Variants in CCDC6 observed in about 807,000 individuals in gnomAD.
The protein encoded by CCDC6 is coiled-coil domain-containing protein 6.
CCDC6 carries 20 observed loss-of-function variants against 56.6 expected under a neutral mutation model. That is an observed-to-expected ratio of 0.35 (90% CI 0.25 to 0.51). The LOEUF (loss-of-function observed/expected upper bound fraction) is 0.51, where lower values mean the gene tolerates loss of function less well. CCDC6 is among the 20% of genes least tolerant of loss of function. The probability of loss-of-function intolerance (pLI) is 0.95; values close to 1 mark genes in which losing one functional copy is unlikely to be tolerated. For synonymous variants in CCDC6, 241 were observed against 234.4 expected, an observed-to-expected ratio of 1.03 and a Z score of -0.26; for missense variants, 367 against 601.1, an observed-to-expected ratio of 0.61 and a Z score of 4.07.
At chr10:59,886,456 A>G (rs1434657123) in intron 1 of CCDC6, among the ~76,000 whole-genome samples, 1 of 152,162 alleles carries the variant, frequency 6.6e-6, no homozygotes, top group African/African-American at 2.4e-5. Flanking sequence ...TGTTTATGCA[A>G]TTTAAAAGAA....
intron 3 of CCDC6, among the ~76,000 whole-genome samples, chr10:59,826,633 C>T (rs1290860830): frequency 6.6e-6 from 1 of 152,180 alleles, no homozygotes; most frequent in Non-Finnish European, 1.5e-5. Flanking sequence ...TACAGGTGTA[C>T]TGGATTAATG....
At chr10:59,850,793 T>A (rs770363847) in intron 2 of CCDC6, among the ~76,000 whole-genome samples, 56 of 152,208 alleles carry the variant, frequency 3.7e-4, no homozygotes, top group Middle Eastern at 3.2e-3. Context: ...ATTTAGAGGA[T>A]GCTTGGAGCT....
chr10:59,850,069 C>T (rs989998368), intron 2 of CCDC6, among the ~76,000 whole-genome samples: 1 of 152,174 alleles, frequency 6.6e-6, no homozygotes, highest in African/African-American at 2.4e-5. Context: ...CATGTTGTGA[C>T]ACCTGGTGTC....
intron 2 of CCDC6, among the ~76,000 whole-genome samples, chr10:59,835,394 C>T (rs563031642): frequency 6.6e-6 from 1 of 152,260 alleles, no homozygotes; most frequent in African/African-American, 2.4e-5. Flanking sequence ...TTAGGTACTT[C>T]CTTTAAGACT....
chr10:59,841,451 C>T (rs1039568022), intron 2 of CCDC6, among the ~76,000 whole-genome samples: 1 of 152,160 alleles, frequency 6.6e-6, no homozygotes, highest in Non-Finnish European at 1.5e-5. Context: ...TGCTGGTACA[C>T]AGAAATACAA....
Position 59,792,494 on chromosome 10 carries a change from A to G in CCDC6, c.*423T>C. 2.2e-6 allele frequency: 1 copy of G among 463,030 alleles called. No individual in the cohort carries two copies. Among genetic ancestry groups the G allele is most frequent in the South Asian group, 2.0e-5 (1 of 50,512 alleles). 28.7% of individuals were successfully genotyped at this position (463,030 alleles called of 1,614,324 possible). On this transcript the variant is annotated 3_prime_UTR_variant, in exon 9 of 9. Coordinates refer to ENST00000263102, the MANE Select transcript of CCDC6 (RefSeq NM_005436.5). ...ATTGGTATGTTTGGTAAACACTATT[A>G]TAATGAGAGGAGGGTAACAACAGCT...
At chr10:59,886,377 TG>T (rs1169031596) in intron 1 of CCDC6, among the ~76,000 whole-genome samples, 1 of 152,180 alleles carries the variant, frequency 6.6e-6, no homozygotes, top group African/African-American at 2.4e-5. Context: ...AAATATAAAG[TG>T]TTATACAGAC....
intron 7 of CCDC6, among the ~76,000 whole-genome samples, chr10:59,795,642 G>T (rs1045336053): frequency 1.9e-5 from 2 of 102,612 alleles, no homozygotes; most frequent in Admixed American, 2.9e-4. Flanking sequence ...CCCCACAACA[G>T]TCCCTAGAGT....
intron 7 of CCDC6, among the ~76,000 whole-genome samples, chr10:59,803,693 A>C (rs911673191): frequency 2.6e-5 from 4 of 152,304 alleles, no homozygotes; most frequent in Admixed American, 2.0e-4. Context: ...GCTGGTATTG[A>C]GCCACAGAGC....
intron 1 of CCDC6, among the ~76,000 whole-genome samples, chr10:59,858,000 T>C (rs1243636539): frequency 6.6e-6 from 1 of 152,214 alleles, no homozygotes; most frequent in Non-Finnish European, 1.5e-5. Context: ...GGTCAGAATT[T>C]AGCAGAATCC....
At position 59,812,636 on chromosome 10, in the gene CCDC6, C is replaced by G; in HGVS notation, c.846G>C (p.Gln282His). 1 of 1,610,794 alleles carries G rather than the reference C, an allele frequency of 6.2e-7. No homozygotes were observed. Among genetic ancestry groups the G allele is most frequent in the South Asian group, 1.1e-5 (1 of 90,674 alleles). ...LKKQLRAAQL[Q>H]HSEKMAQYLE... ...CTAGTGAAACCAGAGGCTACGTACG[C>G]TGTAACTGAGCAGCTCTCAGTTGCT... The change falls in exon 5 of 9, where the codon CAG becomes CAC. Residue 282 changes from glutamine to histidine, a missense_variant and splice_region_variant. This residue lies in a region of CCDC6 where 81 missense variants were observed against 150.8 expected (regional missense o/e 0.54). Coordinates refer to ENST00000263102, the MANE Select transcript of CCDC6 (RefSeq NM_005436.5).
At chr10:59,817,785 CT>C (rs1018839155) in intron 3 of CCDC6, among the ~76,000 whole-genome samples, 3 of 152,168 alleles carry the variant, frequency 2.0e-5, no homozygotes, top group African/African-American at 4.8e-5. Flanking sequence ...CTCCGATGCC[CT>C]CATCTATGAA....
At chr10:59,794,724 A>C (rs1423774805) in intron 7 of CCDC6, 127 bp from the exon 8 acceptor site, 4 of 714,098 alleles carry the variant, frequency 5.6e-6, no homozygotes, top group African/African-American at 5.3e-5. Flanking sequence ...GAAAAGAATG[A>C]TGGGCTCACT....
At chr10:59,797,924 C>G (rs1392425908) in intron 7 of CCDC6, among the ~76,000 whole-genome samples, 1 of 152,176 alleles carries the variant, frequency 6.6e-6, no homozygotes, top group Admixed American at 6.5e-5. Flanking sequence ...ACTCTCCTTA[C>G]TGTTAGACAG....
In CCDC6 at chr10:59,789,525, A is replaced by G. The variant is rs1001204743; in HGVS notation, c.*3392T>C. ...CCTAGAAACCCCTTAATCTCTTACA[A>G]TGGCTCTTGAGCATGGAACTCATGT... On this transcript the variant is annotated 3_prime_UTR_variant, in exon 9 of 9. Coordinates refer to ENST00000263102, the MANE Select transcript of CCDC6 (RefSeq NM_005436.5). The G allele has an allele frequency of 1.7e-5, 4 of 232,912 alleles. No individual in the cohort carries two copies. Among genetic ancestry groups the G allele is most frequent in the South Asian group, 1.8e-4 (1 of 5,522 alleles). The allele number at this position is 232,912 out of a possible 1,614,324, so 14.4% of individuals were successfully genotyped here.
chr10:59,870,851 C>T (rs1464349787), intron 1 of CCDC6, among the ~76,000 whole-genome samples: 3 of 152,232 alleles, frequency 2.0e-5, no homozygotes, highest in Admixed American at 6.5e-5. Flanking sequence ...CCCCAGTGAA[C>T]AACCTCATGG....
intron 2 of CCDC6, 39 bp downstream of exon 2, chr10:59,852,514 A>C: frequency 6.6e-7 from 1 of 1,511,818 alleles, no homozygotes; most frequent in Non-Finnish European, 8.8e-7. Flanking sequence ...AGAAAGGAAA[A>C]TAGGCAGGGA....
intron 3 of CCDC6, among the ~76,000 whole-genome samples, chr10:59,829,508 T>C (rs1411740383): frequency 6.6e-6 from 1 of 152,054 alleles, no homozygotes; most frequent in East Asian, 1.9e-4. Flanking sequence ...AACTAAAAGA[T>C]GGAAACAACC....
chr10:59,861,148 C>G lies in CCDC6; in HGVS notation c.304-8446G>C, dbSNP rs778692364. The stretch of plus-strand genomic sequence containing the variant: ...GAGCCAAGATCTCACCATTGCATTC[C>G]ACCCTGGGTGATGGAGTTAGACTAT... On this transcript the variant is annotated intron_variant, in intron 1 of 8. Coordinates refer to ENST00000263102, the MANE Select transcript of CCDC6 (RefSeq NM_005436.5). Among the ~76,000 whole-genome samples, 75 of 152,154 alleles carry G rather than the reference C, an allele frequency of 4.9e-4. 1 individual carries two copies. The highest frequency in any genetic ancestry group is 1.9e-3 in the Admixed American group (29 of 15,288).
Sources: gnomAD v4.1 joint callset for allele counts (sites outside exome capture counted in the v4.1 genomes callset) on GRCh38, gnomAD v4.1.1 for gene constraint, gnomAD v4.1.1 regional missense constraint, MANE v1.5 for transcripts, NCBI Gene and HGNC (gene_info 2026-07-23, HGNC 2026-07-21) for gene names.